The following CFAP47 variants were observed in gnomAD, a reference collection of about 807,000 sequenced individuals.
The protein encoded by CFAP47 is cilia- and flagella-associated protein 47.
CFAP47 carries 29 observed loss-of-function variants against 148.1 expected under a neutral mutation model. That is an observed-to-expected ratio of 0.20 (90% confidence interval 0.15 to 0.27). The LOEUF (loss-of-function observed/expected upper bound fraction) is 0.27. Among genes scored for constraint, CFAP47 ranks in the 10% least tolerant of loss-of-function variants. The pLI, the probability that CFAP47 is intolerant of heterozygous loss-of-function variation, is 1.00. For synonymous variants in CFAP47, 664 were observed against 577.3 expected, an observed-to-expected ratio of 1.15 and a Z score of -2.15; for missense variants, 1,872 against 1,697.5, an observed-to-expected ratio of 1.10 and a Z score of -1.81.
intron 57 of CFAP47, among the ~76,000 whole-genome samples, chrX:36,328,947 GC>G (rs1456768428): frequency 9.0e-6 from 1 of 111,100 alleles, no homozygotes; most frequent in Non-Finnish European, 1.9e-5. Flanking sequence ...ACAAGGGAAA[GC>G]CCAGTTTTAG....
intron 37 of CFAP47, among the ~76,000 whole-genome samples, chrX:36,155,870 G>A (rs948688973): frequency 5.4e-5 from 6 of 110,788 alleles, no homozygotes; most frequent in African/African-American, 1.3e-4. Context: ...AACACTACTC[G>A]CAAATGCTTA....
At chrX:36,288,695 C>T (rs1556005027) in intron 51 of CFAP47, among the ~76,000 whole-genome samples, 1 of 111,430 alleles carries the variant, frequency 9.0e-6, no homozygotes, top group Non-Finnish European at 1.9e-5. Context: ...GTTAAAAACA[C>T]CGTTAATCCT....
In CFAP47 at chrX:36,001,633, G is replaced by T; in HGVS notation, c.3343G>T (p.Val1115Phe). Residue 1115 changes from valine (V) to phenylalanine (F), a missense_variant, in exon 21 of 64, where the codon GTT becomes TTT. By Grantham distance (50) the Val-to-Phe change is conservative. Coordinates refer to ENST00000378653, the MANE Select transcript of CFAP47 (RefSeq NM_001304548.2). Reference protein sequence around the residue: ...DKSEEFKDPAVPYIYSLELEE... With the variant: ...DKSEEFKDPAFPYIYSLELEE... ...TACAGAAGAATTTAAAGACCCTGCA[G>T]TTCCTTATATATATTCTTTGGAATT... 3.4e-6 allele frequency: 1 copy of T among 295,849 alleles called. No individual in the cohort carries two copies. The highest frequency in any genetic ancestry group is 5.9e-6 in the Non-Finnish European group (1 of 169,083). 24.4% of individuals were successfully genotyped at this position (295,849 alleles called of 1,213,427 possible).
chrX:36,328,576 C>T (rs868975439), intron 57 of CFAP47, among the ~76,000 whole-genome samples: 19 of 108,544 alleles, frequency 1.8e-4, no homozygotes, highest in African/African-American at 5.7e-4. Context: ...TTTGGGAGGC[C>T]GAGGCGGGTG....
chrX:36,123,217 A>T (rs948598472), intron 33 of CFAP47, among the ~76,000 whole-genome samples: 1 of 112,556 alleles, frequency 8.9e-6, no homozygotes, highest in Non-Finnish European at 1.9e-5. Flanking sequence ...ACACCTCTGT[A>T]GTTACCAGTC....
chrX:36,310,267 A>T (rs1941382683), intron 55 of CFAP47, among the ~76,000 whole-genome samples: 2 of 111,299 alleles, frequency 1.8e-5, no homozygotes, highest in Admixed American at 1.9e-4. Context: ...TAATAGCCAC[A>T]TTCAATCTCC....
chrX:36,278,700 G>A (rs1180577943), intron 49 of CFAP47, among the ~76,000 whole-genome samples: 2 of 112,249 alleles, frequency 1.8e-5, no homozygotes, highest in African/African-American at 6.5e-5. Context: ...GCAGACCGGA[G>A]CTGTTCCTAT....
intron 26 of CFAP47, among the ~76,000 whole-genome samples, chrX:36,058,173 T>G (rs1937569121): frequency 8.9e-6 from 1 of 111,996 alleles, no homozygotes; most frequent in African/African-American, 3.2e-5. Flanking sequence ...TTTCAATTCC[T>G]GCATGCTTTT....
chrX:36,166,420 C>T (rs184672344), intron 39 of CFAP47, among the ~76,000 whole-genome samples: 227 of 111,554 alleles, frequency 2.0e-3, no homozygotes, highest in African/African-American at 7.1e-3. Flanking sequence ...ATTGTAGCTT[C>T]CATCTCCAAA....
At chrX:36,097,047 A>C (rs1938291176) in intron 30 of CFAP47, among the ~76,000 whole-genome samples, 1 of 111,156 alleles carries the variant, frequency 9.0e-6, no homozygotes, top group Non-Finnish European at 1.9e-5. Context: ...GTATCTTATA[A>C]CCCATTATTT....
intron 1 of CFAP47, among the ~76,000 whole-genome samples, chrX:35,921,333 A>G (rs189677339): frequency 6.8e-4 from 76 of 112,483 alleles, no homozygotes; most frequent in East Asian, 5.3e-3. Flanking sequence ...ATATCTCAAG[A>G]GACTATTAAC....
In CFAP47 at chrX:36,384,999, A is replaced by AT. The variant is rs1556024939; in HGVS notation, c.9558dup (p.Gln3187SerfsTer14). On this transcript the variant is annotated frameshift_variant, in exon 64 of 64. Coordinates refer to ENST00000378653, the MANE Select transcript of CFAP47 (RefSeq NM_001304548.2). LOFTEE classifies it high-confidence loss of function. ...ATCAAGGGTGCTCCTTTGGTGAAGAATCAATAAAATTTTTTTCCAAAATAT... is the reference window on the plus strand; with the variant it reads ...ATCAAGGGTGCTCCTTTGGTGAAGAATTCAATAAAATTTTTTTCCAAAATAT... The AT allele has an allele frequency of 8.7e-7, 1 of 1,146,446 alleles. No homozygotes were observed. Among genetic ancestry groups the AT allele is most frequent in the African/African-American group, 1.8e-5 (1 of 55,265 alleles). 94.5% of individuals were successfully genotyped at this position (1,146,446 alleles called of 1,213,427 possible).
chrX:36,218,332 A>G (rs782135051), intron 45 of CFAP47, among the ~76,000 whole-genome samples: 2 of 111,982 alleles, frequency 1.8e-5, no homozygotes, highest in East Asian at 5.6e-4. Flanking sequence ...AAAACTTACT[A>G]TTTAAAATGC....
Position 35,977,683 on chromosome X carries a change from A to G in CFAP47, c.2713+1770A>G, listed in dbSNP as rs757278039. On this transcript the variant is annotated intron_variant, in intron 15 of 63. Coordinates refer to ENST00000378653, the MANE Select transcript of CFAP47 (RefSeq NM_001304548.2). ...ATATTTCAGACGAGTCCTGGTTTGT[A>G]GAAATCTTGCCTTAAACATATTTTC... Among the ~76,000 whole-genome samples, 3 of 112,011 alleles carry G rather than the reference A, an allele frequency of 2.7e-5. No individual in the cohort carries two copies. The South Asian group carries it at 1.1e-3, about 42-fold the overall frequency.
At chrX:36,086,902 C>T (rs1233326746) in intron 30 of CFAP47, among the ~76,000 whole-genome samples, 2 of 111,046 alleles carry the variant, frequency 1.8e-5, no homozygotes, top group Non-Finnish European at 3.8e-5. Context: ...TATATGAGGA[C>T]TAGGGAGTGG....
At chrX:36,335,159 C>A (rs1322224389) in intron 57 of CFAP47, among the ~76,000 whole-genome samples, 1 of 111,146 alleles carries the variant, frequency 9.0e-6, no homozygotes, top group African/African-American at 3.3e-5. Context: ...CTCTCTCTCT[C>A]CAAAATACTT....
chrX:36,263,029 T>G (rs143679475), intron 49 of CFAP47, among the ~76,000 whole-genome samples: 2 of 112,222 alleles, frequency 1.8e-5, no homozygotes, highest in East Asian at 5.6e-4. Flanking sequence ...TGAGATATAT[T>G]TATTCAAATA....
chrX:36,186,294 T>A (rs2146872366), intron 40 of CFAP47, among the ~76,000 whole-genome samples: 1 of 111,324 alleles, frequency 9.0e-6, no homozygotes, highest in East Asian at 2.8e-4. Context: ...CATTGACATT[T>A]GTAGATCAGC....
At chrX:35,925,935 G>T in intron 1 of CFAP47, 82 bp from the exon 2 acceptor site, 1 of 828,551 alleles carries the variant, frequency 1.2e-6, no homozygotes, top group Non-Finnish European at 1.7e-6. Context: ...GATTACAGGC[G>T]TGAGCCATTG....
Sources: gnomAD v4.1 joint callset for allele counts (sites outside exome capture counted in the v4.1 genomes callset) on GRCh38, gnomAD v4.1.1 for gene constraint, MANE v1.5 for transcripts, NCBI Gene and HGNC (gene_info 2026-07-23, HGNC 2026-07-21) for gene names.